ACSF3: variants seen among roughly 807,000 people sequenced by gnomAD.
ACSF3 encodes acyl-CoA synthetase family member 3.
In ACSF3, 78 loss-of-function variants were observed where a neutral mutation model predicts 53.2. That is an observed-to-expected ratio of 1.47 (90% CI 1.22 to 1.77). The LOEUF is 1.77. ACSF3 is among the 40% of genes most tolerant of loss of function. The pLI is 0.00. For missense variants in ACSF3, 937 were observed against 771.1 expected, an observed-to-expected ratio of 1.22 and a Z score of -2.55; for synonymous variants, 414 against 333.1, an observed-to-expected ratio of 1.24 and a Z score of -2.65.
In ACSF3 at chr16:89,112,254, A is replaced by G; in HGVS notation, c.977+8A>G. 6.2e-7 allele frequency: 1 copy of G among 1,614,046 alleles called. No homozygotes were observed. The highest frequency in any genetic ancestry group is 8.5e-7 in the Non-Finnish European group (1 of 1,179,952). On this transcript the variant is annotated splice_region_variant and intron_variant, in intron 5 of 10. Coordinates refer to ENST00000614302, the MANE Select transcript of ACSF3 (RefSeq NM_001243279.3). ...TTGTGAAGAAAAAATTAGGTAAGTG[A>G]AAAGAGCCCACTTTCTCGTTCAGAA... is the stretch of plus-strand genomic sequence containing the variant.
intron 1 of ACSF3, among the ~76,000 whole-genome samples, chr16:89,097,205 C>T (rs769951481): frequency 5.3e-5 from 8 of 152,182 alleles, no homozygotes; most frequent in African/African-American, 7.2e-5. Flanking sequence ...GTGCACAGCA[C>T]GAGCTTGAAC....
Position 89,155,336 on chromosome 16 carries a change from A to G in ACSF3, c.*1129A>G. 2.2e-6 allele frequency: 1 copy of G among 452,210 alleles called. No homozygotes were observed. The highest frequency in any genetic ancestry group is 4.4e-6 in the Non-Finnish European group (1 of 225,224). The allele number at this position is 452,210 out of a possible 1,614,324, so 28.0% of individuals were successfully genotyped here. ...AAACGAGTGTGCCGGGCAGGAGGCC[A>G]GCCCCATCTCAGGCTCACGTGCCTC... On this transcript the variant is annotated 3_prime_UTR_variant, in exon 11 of 11. Coordinates refer to ENST00000614302, the MANE Select transcript of ACSF3 (RefSeq NM_001243279.3).
intron 3 of ACSF3, 99 bp downstream of exon 3, chr16:89,101,446 G>T: frequency 6.5e-7 from 1 of 1,539,190 alleles, no homozygotes; most frequent in African/African-American, 1.4e-5. Context: ...TTTCTGTGGA[G>T]TCATTCACAG....
At chr16:89,096,952 A>C (rs986399402) in intron 1 of ACSF3, among the ~76,000 whole-genome samples, 5 of 152,252 alleles carry the variant, frequency 3.3e-5, no homozygotes, top group Non-Finnish European at 7.3e-5. Flanking sequence ...GATTCCGCGC[A>C]GGAGAACAGC....
At chr16:89,115,920 A>C (rs555394521) in intron 6 of ACSF3, among the ~76,000 whole-genome samples, 2 of 152,240 alleles carry the variant, frequency 1.3e-5, no homozygotes, top group Admixed American at 1.3e-4. Flanking sequence ...TTTAAATATC[A>C]TCTCCCAGCT....
chr16:89,142,868 C>G (rs535307208), intron 8 of ACSF3, among the ~76,000 whole-genome samples: 1 of 152,382 alleles, frequency 6.6e-6, no homozygotes, highest in Non-Finnish European at 1.5e-5. Flanking sequence ...GGTCTTGCAT[C>G]TAATCAGCCA....
chr16:89,123,818 G>T (rs1907245303), intron 7 of ACSF3, among the ~76,000 whole-genome samples: 1 of 152,194 alleles, frequency 6.6e-6, no homozygotes, highest in Non-Finnish European at 1.5e-5. Flanking sequence ...CAGCTGGCCT[G>T]CCAGGCCCAG....
At chr16:89,148,738 A>G (rs1013076221) in intron 10 of ACSF3, 1 of 152,146 alleles carries the variant, frequency 6.6e-6, no homozygotes, top group African/African-American at 2.4e-5. Flanking sequence ...CCTGAGCTCT[A>G]TCTGGAGCCC....
chr16:89,112,026 A>T, intron 4 of ACSF3, 66 bp from the exon 5 acceptor site: 1 of 155,290 alleles, frequency 6.4e-6, no homozygotes. Flanking sequence ...GCCTGGAGCC[A>T]GGAGCCTCCG....
chr16:89,119,261 A>G (rs1253356432), intron 6 of ACSF3, among the ~76,000 whole-genome samples: 2 of 151,938 alleles, frequency 1.3e-5, no homozygotes, highest in African/African-American at 4.8e-5. Flanking sequence ...CCCCGCCCCT[A>G]CCCCAGCCGT....
chr16:89,094,559 C>G (rs904087879), intron 1 of ACSF3, among the ~76,000 whole-genome samples: 3 of 152,120 alleles, frequency 2.0e-5, no homozygotes, highest in Non-Finnish European at 2.9e-5. Flanking sequence ...GGGTGAGGCC[C>G]GGTGCAGTCA....
At chr16:89,137,720 T>TG (rs2151537798) in intron 8 of ACSF3, among the ~76,000 whole-genome samples, 1 of 150,852 alleles carries the variant, frequency 6.6e-6, no homozygotes, top group East Asian at 2.0e-4. Flanking sequence ...GAGAGGGGAG[T>TG]GGGGGGCTGG....
At chr16:89,109,229 C>CAAA (rs773650798) in intron 4 of ACSF3, among the ~76,000 whole-genome samples, 2 of 68,550 alleles carry the variant, frequency 2.9e-5, no homozygotes, top group Admixed American at 1.8e-4. Context: ...AAGACTGTCT[C>CAAA]AAAAAAAAAA....
intron 4 of ACSF3, among the ~76,000 whole-genome samples, chr16:89,105,032 TCC>T (rs1159237264): frequency 3.9e-4 from 58 of 150,614 alleles, no homozygotes; most frequent in African/African-American, 4.6e-4. Flanking sequence ...CCACAGAGCC[TCC>T]CTGAGGGCCC....
chr16:89,101,070 C>T lies in ACSF3; in HGVS notation c.389C>T (p.Pro130Leu). ...GCAGTCCCCCTCTACAGGAAGCATC[C>T]CGCGGCCCAGCTGGAGTATGTCATC... ...GVAVPLYRKHPAAQLEYVICD... is the reference protein window; with the variant it reads ...GVAVPLYRKHLAAQLEYVICD... The change falls in exon 3 of 11, where the codon CCC (proline) becomes CTC (leucine). Residue 130 changes from proline to leucine, a missense_variant. Physicochemically the swap from Pro to Leu is moderately conservative, Grantham distance 98 (BLOSUM62 -3). Coordinates refer to ENST00000614302, the MANE Select transcript of ACSF3 (RefSeq NM_001243279.3). 1.2e-6 allele frequency: 2 copies of T among 1,614,040 alleles called. No homozygotes were observed. The highest frequency in any genetic ancestry group is 1.7e-6 in the Non-Finnish European group (2 of 1,179,980).
At chr16:89,137,857 G>A (rs922137954) in intron 8 of ACSF3, among the ~76,000 whole-genome samples, 3 of 152,166 alleles carry the variant, frequency 2.0e-5, no homozygotes, top group Non-Finnish European at 2.9e-5. Flanking sequence ...CACCACTGCC[G>A]GGCACTAGCT....
intron 4 of ACSF3, among the ~76,000 whole-genome samples, chr16:89,110,169 T>G (rs1053508209): frequency 1.3e-5 from 2 of 152,258 alleles, no homozygotes; most frequent in Non-Finnish European, 2.9e-5. Context: ...TTATCAATTT[T>G]TAAACTTTAT....
intron 8 of ACSF3, chr16:89,141,402 AG>A: frequency 9.4e-7 from 1 of 1,064,514 alleles, no homozygotes; most frequent in South Asian, 1.4e-5. Flanking sequence ...CAGGGCTGGG[AG>A]GGAAGCAGCG....
chr16:89,098,901 C>A, intron 2 of ACSF3, 138 bp downstream of exon 2: 1 of 399,824 alleles, frequency 2.5e-6, no homozygotes, highest in Non-Finnish European at 5.1e-6. Flanking sequence ...ACGGTAGCAT[C>A]ATTGTCAAAA....
Sources: gnomAD v4.1 joint callset for allele counts (sites outside exome capture counted in the v4.1 genomes callset) on GRCh38, gnomAD v4.1.1 for gene constraint, MANE v1.5 for transcripts, NCBI Gene and HGNC (gene_info 2026-07-23, HGNC 2026-07-21) for gene names.